DAB1: variants seen among roughly 807,000 people sequenced by gnomAD.
DAB1 encodes DAB adaptor protein 1, also known as disabled homolog 1.
A neutral mutation model predicts 64.6 loss-of-function variants in DAB1; 15 were observed. The observed-to-expected ratio is 0.23, with a 90% CI of 0.16 to 0.36. The LOEUF (loss-of-function observed/expected upper bound fraction) is 0.36, where lower values mean the gene tolerates loss of function less well. Among genes scored for constraint, DAB1 ranks in the 10% least tolerant of loss-of-function variants. The probability of loss-of-function intolerance (pLI) is 1.00; values close to 1 mark genes in which losing one functional copy is unlikely to be tolerated. For missense variants in DAB1, 596 were observed against 706.7 expected (o/e 0.84, Z 1.78); for synonymous variants, 235 against 251.9 (o/e 0.93, Z 0.64).
chr1:58,126,535 C>A (rs1653101437), intron 5 of DAB1, among the ~76,000 whole-genome samples: 1 of 151,460 alleles, frequency 6.6e-6, no homozygotes, highest in South Asian at 2.1e-4. Flanking sequence ...ATACATGTGC[C>A]ATGCTGGTGC....
chr1:58,210,497 T>A (rs1658501395), intron 4 of DAB1, among the ~76,000 whole-genome samples: 1 of 152,202 alleles, frequency 6.6e-6, no homozygotes, highest in African/African-American at 2.4e-5. Context: ...AAAAAAATAA[T>A]AGCAGAGCAT....
chr1:58,296,829 T>C (rs969027700), intron 4 of DAB1, among the ~76,000 whole-genome samples: 1 of 152,196 alleles, frequency 6.6e-6, no homozygotes, highest in Admixed American at 6.5e-5. Context: ...TAGCTATGTT[T>C]ACCTTGGGCA....
chr1:57,764,725 G>A (rs1452154386), intron 6 of DAB1, among the ~76,000 whole-genome samples: 4 of 152,094 alleles, frequency 2.6e-5, no homozygotes, highest in African/African-American at 7.2e-5. Flanking sequence ...CTGAGTTTTT[G>A]AGACATCAAG....
chr1:58,474,338 T>C (rs1194228156), intron 3 of DAB1, among the ~76,000 whole-genome samples: 2 of 152,150 alleles, frequency 1.3e-5, no homozygotes, highest in African/African-American at 2.4e-5. Context: ...TCCTCAGTGG[T>C]TTCCTAAACT....
chr1:57,316,533 G>A (rs1675223772), intron 1 of DAB1, among the ~76,000 whole-genome samples: 1 of 152,052 alleles, frequency 6.6e-6, no homozygotes. Context: ...AATTTTATTG[G>A]CAGCGCTAAA....
chr1:58,225,512 C>G (rs1382098256), intron 4 of DAB1, among the ~76,000 whole-genome samples: 1 of 151,666 alleles, frequency 6.6e-6, no homozygotes, highest in Admixed American at 6.6e-5. Context: ...CACATGCACA[C>G]GTATGTTTAT....
At chr1:57,070,724 G>A in intron 7 of DAB1, 2 of 393,262 alleles carry the variant, frequency 5.1e-6, no homozygotes, top group Non-Finnish European at 4.8e-6. Flanking sequence ...GAATATTCAA[G>A]AGACTCTTGA....
At chr1:57,926,216 A>G (rs1402645227) in intron 5 of DAB1, among the ~76,000 whole-genome samples, 2 of 152,182 alleles carry the variant, frequency 1.3e-5, no homozygotes, top group Non-Finnish European at 2.9e-5. Flanking sequence ...GTTCCCAGGT[A>G]TACTGGTCCA....
rs890614279 is a variant in DAB1, at chr1:56,998,068, C to T, written c.*76G>A. 3 of 152,610 alleles carry T rather than the reference C, an allele frequency of 2.0e-5. No individual in the cohort carries two copies. 9.5% of individuals were successfully genotyped at this position (152,610 alleles called of 1,614,324 possible). A position where few individuals can be genotyped will look rare whatever the true frequency, so the allele number is the denominator to read the frequency against. On this transcript the variant is annotated 3_prime_UTR_variant, in exon 15 of 15. Transcript: ENST00000371236. Reference sequence around the variant, plus strand: ...CCATGCCAGTCTTGAGCACCCACCACGAGCTCGCATCGATGCTATTTCTTA... The same window carrying T: ...CCATGCCAGTCTTGAGCACCCACCATGAGCTCGCATCGATGCTATTTCTTA...
At chr1:57,568,008 C>T (rs1278174478) in intron 7 of DAB1, among the ~76,000 whole-genome samples, 2 of 152,326 alleles carry the variant, frequency 1.3e-5, no homozygotes, top group Admixed American at 6.5e-5. Flanking sequence ...AGGCATCACG[C>T]TACCTGACCT....
At chr1:57,115,198 C>T (rs1309713406) in intron 4 of DAB1, among the ~76,000 whole-genome samples, 3 of 152,172 alleles carry the variant, frequency 2.0e-5, no homozygotes, top group Admixed American at 1.3e-4. Flanking sequence ...AGAGGGTAGG[C>T]TTCGGGGCAG....
intron 3 of DAB1, among the ~76,000 whole-genome samples, chr1:58,357,826 G>A (rs1644125884): frequency 6.6e-6 from 1 of 152,132 alleles, no homozygotes; most frequent in South Asian, 2.1e-4. Flanking sequence ...AACATCTATA[G>A]TGGGAAAAGG....
intron 7 of DAB1, among the ~76,000 whole-genome samples, chr1:57,468,931 T>C (rs1035174168): frequency 5.9e-5 from 9 of 152,212 alleles, no homozygotes; most frequent in African/African-American, 9.6e-5. Flanking sequence ...ATGAATAAAA[T>C]AAGGTCTCCT....
At chr1:58,447,742 C>G (rs762186678) in intron 3 of DAB1, among the ~76,000 whole-genome samples, 2 of 151,782 alleles carry the variant, frequency 1.3e-5, no homozygotes, top group African/African-American at 2.4e-5. Flanking sequence ...GGACTGAGAT[C>G]TAAAAGATGA....
intron 2 of DAB1, among the ~76,000 whole-genome samples, chr1:57,188,468 G>T (rs570874765): frequency 6.6e-5 from 10 of 152,266 alleles, no homozygotes; most frequent in Admixed American, 1.3e-4. Context: ...AAATAAGCAA[G>T]ACCAGAATTT....
Position 58,048,496 on chromosome 1 carries a change from G to A in DAB1, n.387+102015C>T, listed in dbSNP as rs543105010. 45 of 1,311,220 alleles carry A rather than the reference G, an allele frequency of 3.4e-5. No homozygotes were observed. In the African/African-American group the frequency reaches 5.1e-4, roughly 15 times the overall value. 81.2% of individuals were successfully genotyped at this position (1,311,220 alleles called of 1,614,324 possible). A position where few individuals can be genotyped will look rare whatever the true frequency, so the allele number is the denominator to read the frequency against. On this transcript the variant is annotated intron_variant and non_coding_transcript_variant, in intron 5 of 20. Coordinates refer to the DAB1 transcript ENST00000485760. Reference sequence around the variant, plus strand: ...CATAACCCTGTCCACCACTTCCATAGCCTCTGCTTCCTCCAGAGTAACCAG... The same window carrying A: ...CATAACCCTGTCCACCACTTCCATAACCTCTGCTTCCTCCAGAGTAACCAG...
chr1:57,014,788 G>C, intron 12 of DAB1, 95 bp downstream of exon 12: 1 of 999,378 alleles, frequency 1.0e-6, no homozygotes, highest in Non-Finnish European at 1.5e-6. Context: ...CCTGATTAAT[G>C]CAAGTGAGAT....
chr1:57,025,913 T>C, intron 10 of DAB1, 68 bp downstream of exon 10: 1 of 1,286,224 alleles, frequency 7.8e-7, no homozygotes, highest in South Asian at 1.4e-5. Context: ...GCCCATATTC[T>C]GGCCACTGAG....
rs1683041761 is a variant in DAB1, at chr1:57,399,108, CT to C, written c.-137+24821del. Among the ~76,000 whole-genome samples the C allele has an allele frequency of 4.6e-5, 7 of 151,436 alleles. 1 individual carries two copies. Among genetic ancestry groups the C allele is most frequent in the Non-Finnish European group, 1.0e-4 (7 of 67,838 alleles). On this transcript the variant is annotated intron_variant, in intron 1 of 14. Transcript: ENST00000371236. The stretch of plus-strand genomic sequence containing the variant: ...AGAGTTGAGGAACTTTTTTTTTCTT[CT>C]TTTCTATTGGAGGTCACCAACTCAC...
Sources: gnomAD v4.1 joint callset for allele counts (sites outside exome capture counted in the v4.1 genomes callset) on GRCh38, gnomAD v4.1.1 for gene constraint, MANE v1.5 for transcripts, NCBI Gene and HGNC (gene_info 2026-07-23, HGNC 2026-07-21) for gene names.